FAM193A: variants seen among roughly 807,000 people sequenced by gnomAD.
The protein encoded by FAM193A is protein FAM193A.
A neutral mutation model predicts 126.5 loss-of-function variants in FAM193A; 22 were observed. The ratio of observed to expected loss-of-function variants is 0.17; its 90% CI spans 0.12 to 0.25. The LOEUF is 0.25. Among genes scored for constraint, FAM193A ranks in the 10% least tolerant of loss-of-function variants. The probability of loss-of-function intolerance (pLI) is 1.00; values close to 1 mark genes in which losing one functional copy is unlikely to be tolerated. For missense variants in FAM193A, 1,675 were observed against 1,672.8 expected (o/e 1.00, Z -0.02); for synonymous variants, 761 against 646.8 (o/e 1.18, Z -2.68).
chr4:2,589,885 C>G (rs1740423250), intron 1 of FAM193A, among the ~76,000 whole-genome samples: 1 of 152,062 alleles, frequency 6.6e-6, no homozygotes, highest in Admixed American at 6.6e-5. Flanking sequence ...ACCTGTAATC[C>G]CAGCACTTTG....
intron 13 of FAM193A, among the ~76,000 whole-genome samples, chr4:2,686,121 A>G (rs574003544): frequency 1.9e-4 from 29 of 152,336 alleles, no homozygotes; most frequent in Non-Finnish European, 3.8e-4. Context: ...TCCATAAGCT[A>G]TTGAGGTCAG....
chr4:2,667,597 G>A (rs1032778223), intron 12 of FAM193A, among the ~76,000 whole-genome samples: 9 of 152,050 alleles, frequency 5.9e-5, no homozygotes, highest in African/African-American at 2.2e-4. Context: ...CGTTTTATTT[G>A]TTAGTATAGC....
At chr4:2,542,968 T>G (rs1737322598) in intron 1 of FAM193A, among the ~76,000 whole-genome samples, 1 of 150,502 alleles carries the variant, frequency 6.6e-6, no homozygotes, top group South Asian at 2.1e-4. Flanking sequence ...TAGGAAAACA[T>G]AACTTAGCTT....
intron 13 of FAM193A, among the ~76,000 whole-genome samples, chr4:2,674,038 C>T (rs75583070): frequency 0.026 from 3,949 of 152,158 alleles, 179 homozygotes; most frequent in African/African-American, 0.089. Flanking sequence ...AAGCCATATA[C>T]GGTAGAGGTA....
In FAM193A at chr4:2,646,630, T is replaced by C. The variant is rs577232369; in HGVS notation, c.1164-55T>C. The C allele has an allele frequency of 3.3e-6, 5 of 1,525,052 alleles. No individual in the cohort carries two copies. The Admixed American group carries it at 8.5e-5, about 26-fold the overall frequency. 94.5% of individuals were successfully genotyped at this position (1,525,052 alleles called of 1,614,324 possible). A position where few individuals can be genotyped will look rare whatever the true frequency, so the allele number is the denominator to read the frequency against. On this transcript the variant is annotated intron_variant, in intron 6 of 20. Transcript: ENST00000637812. ...ATCAGCAGGAAGCACATTTCTGATC[T>C]CTGCTTCAGAGCCTTTGGGTTCTTT...
chr4:2,536,620 C>T (rs964458942), upstream of FAM193A: 2 of 147,714 alleles, frequency 1.4e-5, no homozygotes, highest in Non-Finnish European at 3.0e-5. Context: ...CCCGCTGCTC[C>T]TTCCCCCTCC....
At chr4:2,587,063 C>G (rs1317670612) in intron 1 of FAM193A, among the ~76,000 whole-genome samples, 1 of 152,138 alleles carries the variant, frequency 6.6e-6, no homozygotes, top group East Asian at 1.9e-4. Flanking sequence ...AATTAAACTT[C>G]TGTATCTTAG....
chr4:2,709,607 G>A (rs981994049), intron 19 of FAM193A, among the ~76,000 whole-genome samples: 4 of 152,178 alleles, frequency 2.6e-5, no homozygotes, highest in Non-Finnish European at 4.4e-5. Flanking sequence ...TACTCAAGAG[G>A]CTGAGGCAGG....
At position 2,672,100 on chromosome 4, in the gene FAM193A, G is replaced by GT. The variant is rs750584757; in HGVS notation, c.2080-13dup. The GT allele has an allele frequency of 9.8e-5, 158 of 1,610,198 alleles. 1 individual carries two copies. The Middle Eastern group carries it at 1.2e-3, about 12-fold the overall frequency. The stretch of plus-strand genomic sequence containing the variant: ...ATTTATTGTTTCACTAAATAGGTAT[G>GT]TTTTTTTTCTTTCCTCTTAGGCTGA... On this transcript the variant is annotated intron_variant, in intron 12 of 20. Transcript: ENST00000637812.
chr4:2,608,430 C>T (rs1741672112), intron 2 of FAM193A, among the ~76,000 whole-genome samples: 2 of 152,184 alleles, frequency 1.3e-5, no homozygotes, highest in Non-Finnish European at 2.9e-5. Context: ...CTCCCTCTGT[C>T]GCCCTGGCTG....
intron 5 of FAM193A, among the ~76,000 whole-genome samples, chr4:2,636,903 G>A (rs1744140315): frequency 1.3e-5 from 2 of 152,126 alleles, no homozygotes; most frequent in African/African-American, 4.8e-5. Flanking sequence ...GGATACTCTT[G>A]GACATAGAAA....
chr4:2,565,922 C>G (rs137975555), intron 1 of FAM193A, among the ~76,000 whole-genome samples: 380 of 152,276 alleles, frequency 2.5e-3, no homozygotes, highest in African/African-American at 8.0e-3. Context: ...TCTAAATTTA[C>G]AAACCTTTGC....
intron 15 of FAM193A, among the ~76,000 whole-genome samples, chr4:2,692,040 C>G (rs1484862350): frequency 1.3e-5 from 2 of 152,148 alleles, no homozygotes; most frequent in Admixed American, 6.5e-5. Flanking sequence ...TTCTACTGTT[C>G]AAAAGCAGCA....
chr4:2,693,803 C>T lies in FAM193A; in HGVS notation c.3021C>T (p.Arg1007=). 1 of 1,614,236 alleles carries T rather than the reference C, an allele frequency of 6.2e-7. No individual in the cohort carries two copies. The highest frequency in any genetic ancestry group is 8.5e-7 in the Non-Finnish European group (1 of 1,180,032). ...ATTTPGFVDT[R]KSFCPAPLPP... ...CAACTCCTGGGTTTGTGGACACACG[C>T]AAGAGTTTCTGTCCTGCACCCCTAC... Residue 1007 remains arginine, a synonymous_variant, in exon 16 of 21, where the codon CGC becomes CGT. Coordinates refer to ENST00000637812, the MANE Select transcript of FAM193A (RefSeq NM_001366318.2).
At chr4:2,693,905 G>A in intron 16 of FAM193A, 31 bp downstream of exon 16, 1 of 1,595,336 alleles carries the variant, frequency 6.3e-7, no homozygotes, top group Non-Finnish European at 8.6e-7. Flanking sequence ...GGACGTGGGA[G>A]CACTTTGGAA....
At chr4:2,581,754 C>T (rs983862016) in intron 1 of FAM193A, among the ~76,000 whole-genome samples, 7 of 150,540 alleles carry the variant, frequency 4.6e-5, no homozygotes, top group South Asian at 4.2e-4. Flanking sequence ...CCTGGGTTCA[C>T]ACCATTCTCC....
At chr4:2,684,370 A>AT (rs1192094501) in intron 13 of FAM193A, among the ~76,000 whole-genome samples, 1 of 150,668 alleles carries the variant, frequency 6.6e-6, no homozygotes, top group South Asian at 2.1e-4. Context: ...ATAAGTTTTA[A>AT]TTTACTTTTT....
chr4:2,541,753 C>T (rs1737246912), intron 1 of FAM193A, among the ~76,000 whole-genome samples: 1 of 151,798 alleles, frequency 6.6e-6, no homozygotes, highest in African/African-American at 2.4e-5. Flanking sequence ...CTATTGTGTA[C>T]TATTGAGTTG....
At chr4:2,549,364 C>T (rs530039917) in intron 1 of FAM193A, among the ~76,000 whole-genome samples, 60 of 149,672 alleles carry the variant, frequency 4.0e-4, no homozygotes, top group Middle Eastern at 7.0e-3. Context: ...CAGGTTATGA[C>T]GATTTTTTTC....
Sources: allele counts gnomAD v4.1 joint callset (sites outside exome capture counted in the v4.1 genomes callset), GRCh38; gene constraint gnomAD v4.1.1; transcripts MANE v1.5; gene names NCBI Gene and HGNC (gene_info 2026-07-23, HGNC 2026-07-21).